CSMD1: variants seen among roughly 807,000 people sequenced by gnomAD.
CSMD1 encodes CUB and sushi domain-containing protein 1.
CSMD1 carries 213 observed loss-of-function variants against 417.5 expected under a neutral mutation model. The ratio of observed to expected loss-of-function variants is 0.51; its 90% CI spans 0.46 to 0.57. CSMD1 has a LOEUF of 0.57. Ranked by LOEUF, CSMD1 falls within the 20% of genes least tolerant of loss-of-function variation. The probability of loss-of-function intolerance (pLI) is 0.00; values close to 1 mark genes in which losing one functional copy is unlikely to be tolerated. For missense variants in CSMD1, 6,923 were observed against 4,529.7 expected (o/e 1.53, Z -15.17); for synonymous variants, 2,862 against 1,736.8 (o/e 1.65, Z -16.11).
intron 4 of CSMD1, among the ~76,000 whole-genome samples, chr8:4,022,784 A>G (rs1307826080): frequency 6.6e-6 from 1 of 152,244 alleles, no homozygotes; most frequent in African/African-American, 2.4e-5. Flanking sequence ...ATTGTATTCC[A>G]CATATTAAGC....
intron 3 of CSMD1, among the ~76,000 whole-genome samples, chr8:4,226,354 C>G (rs1010683487): frequency 1.3e-5 from 2 of 152,162 alleles, no homozygotes; most frequent in African/African-American, 4.8e-5. Context: ...ATGTATTTAT[C>G]TGACATACCA....
intron 6 of CSMD1, among the ~76,000 whole-genome samples, chr8:3,752,562 G>A (rs1053071940): frequency 6.7e-5 from 10 of 150,100 alleles, no homozygotes; most frequent in African/African-American, 1.7e-4. Flanking sequence ...CCTGAGACAG[G>A]AGAATCACTT....
At chr8:4,219,077 A>C (rs1212074802) in intron 3 of CSMD1, among the ~76,000 whole-genome samples, 1 of 152,066 alleles carries the variant, frequency 6.6e-6, no homozygotes, top group Non-Finnish European at 1.5e-5. Flanking sequence ...CTACTCTATC[A>C]CTTTTCCTGT....
chr8:3,054,716 T>C (rs548569346), intron 49 of CSMD1, among the ~76,000 whole-genome samples: 1 of 152,204 alleles, frequency 6.6e-6, no homozygotes, highest in Non-Finnish European at 1.5e-5. Flanking sequence ...TGTGTGTACA[T>C]GTGTGTAGTA....
At chr8:3,673,407 A>G (rs1335997534) in intron 7 of CSMD1, among the ~76,000 whole-genome samples, 3 of 152,232 alleles carry the variant, frequency 2.0e-5, no homozygotes, top group Non-Finnish European at 4.4e-5. Flanking sequence ...AAAGTATTTG[A>G]AGACGTAGCA....
At chr8:4,620,751 T>C (rs534951680) in intron 2 of CSMD1, among the ~76,000 whole-genome samples, 2 of 151,910 alleles carry the variant, frequency 1.3e-5, no homozygotes, top group South Asian at 2.1e-4. Flanking sequence ...AAATAAATTA[T>C]TATATGGAGG....
chr8:3,193,762 G>C (rs933606416), intron 33 of CSMD1, among the ~76,000 whole-genome samples: 2 of 152,108 alleles, frequency 1.3e-5, no homozygotes, highest in African/African-American at 2.4e-5. Flanking sequence ...CTCTCCTCTG[G>C]GGCTTTGAGG....
rs59669026 is a variant in CSMD1 at position 3,984,704 on chromosome 8, C to CATAT, written c.818+13195_818+13198dup. On this transcript the variant is annotated intron_variant, in intron 5 of 69. Coordinates refer to ENST00000635120, the MANE Select transcript of CSMD1 (RefSeq NM_033225.6). ...TGGGTTCAGGATTCAGTGTATATAT[C>CATAT]ATATATATATATATATATATATATA... Among the ~76,000 whole-genome samples the CATAT allele has an allele frequency of 4.6e-3, 384 of 82,780 alleles. 19 individuals are homozygous for CATAT. The highest frequency in any genetic ancestry group is 8.0e-3 in the East Asian group (24 of 3,010). The allele number at this position is 82,780 out of a possible 152,430, so 54.3% of individuals were successfully genotyped here. A position where few individuals can be genotyped will look rare whatever the true frequency, so the allele number is the denominator to read the frequency against.
intron 5 of CSMD1, among the ~76,000 whole-genome samples, chr8:3,823,612 T>C (rs555427680): frequency 6.6e-6 from 1 of 152,200 alleles, no homozygotes; most frequent in East Asian, 1.9e-4. Flanking sequence ...TATGCTTGAA[T>C]CAAATAACAT....
chr8:4,057,549 T>C lies in CSMD1; in HGVS notation c.416-25450A>G, dbSNP rs541486489. ...GCTCTTTAGTTTAATTAGATCCCATTTGTCAATTTTGGCTTTTGTTGCCAT... is the reference window on the plus strand; with the variant it reads ...GCTCTTTAGTTTAATTAGATCCCATCTGTCAATTTTGGCTTTTGTTGCCAT... On this transcript the variant is annotated intron_variant, in intron 3 of 69. Coordinates refer to ENST00000635120, the MANE Select transcript of CSMD1 (RefSeq NM_033225.6). Among the ~76,000 whole-genome samples, 7 of 152,180 alleles carry C rather than the reference T, an allele frequency of 4.6e-5. 1 individual carries two copies. Among genetic ancestry groups the C allele is most frequent in the Admixed American group, 1.3e-4 (2 of 15,292 alleles).
chr8:4,042,524 G>T (rs1324034515), intron 3 of CSMD1, among the ~76,000 whole-genome samples: 1 of 151,976 alleles, frequency 6.6e-6, no homozygotes, highest in East Asian at 1.9e-4. Flanking sequence ...TCACTAGCAG[G>T]CCCATACCAC....
intron 1 of CSMD1, among the ~76,000 whole-genome samples, chr8:4,782,942 A>T (rs1797222908): frequency 6.7e-6 from 1 of 149,542 alleles, no homozygotes; most frequent in Non-Finnish European, 1.5e-5. Context: ...AATGTTTTTA[A>T]AGACACTCAA....
At chr8:4,417,236 A>G (rs970917929) in intron 3 of CSMD1, among the ~76,000 whole-genome samples, 2 of 152,062 alleles carry the variant, frequency 1.3e-5, no homozygotes, top group East Asian at 1.9e-4. Context: ...GTTAAATTCA[A>G]TGACTGAACA....
intron 2 of CSMD1, among the ~76,000 whole-genome samples, chr8:4,521,885 C>G (rs1228333661): frequency 6.6e-6 from 1 of 152,194 alleles, no homozygotes; most frequent in Non-Finnish European, 1.5e-5. Context: ...ACTGTCAGGT[C>G]AAATTGCACG....
At position 4,370,009 on chromosome 8, in the gene CSMD1, T is replaced by G. The variant is rs117398613; in HGVS notation, c.415+49944A>C. On this transcript the variant is annotated intron_variant, in intron 3 of 69. Coordinates refer to ENST00000635120, the MANE Select transcript of CSMD1 (RefSeq NM_033225.6). ...TCATCTTGCTGTAAGCTGGTTCTTATGTAGACTTAGTTGTATAGTTGATTT... is the reference window on the plus strand; with the variant it reads ...TCATCTTGCTGTAAGCTGGTTCTTAGGTAGACTTAGTTGTATAGTTGATTT... Among the ~76,000 whole-genome samples the G allele has an allele frequency of 1.0e-3, 159 of 152,334 alleles. 4 individuals carry two copies. In the East Asian group the frequency reaches 0.027, roughly 26 times the overall value.
At chr8:4,380,736 A>G (rs1013978145) in intron 3 of CSMD1, among the ~76,000 whole-genome samples, 1 of 152,226 alleles carries the variant, frequency 6.6e-6, no homozygotes, top group East Asian at 1.9e-4. Flanking sequence ...GGAGCACTTC[A>G]TACTGTCCTC....
chr8:4,984,214 C>A (rs142792277), intron 1 of CSMD1, among the ~76,000 whole-genome samples: 1 of 152,200 alleles, frequency 6.6e-6, no homozygotes, highest in Non-Finnish European at 1.5e-5. Context: ...GTAACCATCA[C>A]AGGACTTGAA....
chr8:3,171,211 C>T (rs144440418), intron 37 of CSMD1, among the ~76,000 whole-genome samples: 6 of 152,282 alleles, frequency 3.9e-5, no homozygotes, highest in South Asian at 2.1e-4. Context: ...TATAAAGTAT[C>T]GCATGACTTC....
At chr8:3,403,461 G>C (rs534622804) in intron 15 of CSMD1, among the ~76,000 whole-genome samples, 2 of 152,226 alleles carry the variant, frequency 1.3e-5, no homozygotes, top group African/African-American at 2.4e-5. Flanking sequence ...AACGCAGGTA[G>C]ACTTTTAACA....
Sources: gnomAD v4.1 joint callset for allele counts (sites outside exome capture counted in the v4.1 genomes callset) on GRCh38, gnomAD v4.1.1 for gene constraint, MANE v1.5 for transcripts, NCBI Gene and HGNC (gene_info 2026-07-23, HGNC 2026-07-21) for gene names.